PIK3C2A: variants seen among roughly 807,000 people sequenced by gnomAD.
PIK3C2A encodes phosphatidylinositol 4-phosphate 3-kinase C2 domain-containing subunit alpha.
Under a neutral mutation model 204.5 loss-of-function variants are expected in PIK3C2A, and 97 were observed. That is an observed-to-expected ratio of 0.47 (90% confidence interval 0.40 to 0.56). The LOEUF is 0.56. Among genes scored for constraint, PIK3C2A ranks in the 20% least tolerant of loss-of-function variants. The pLI, the probability that PIK3C2A is intolerant of heterozygous loss-of-function variation, is 0.00. For synonymous variants in PIK3C2A, 653 were observed against 664.4 expected, an observed-to-expected ratio of 0.98 and a Z score of 0.26; for missense variants, 1,735 against 1,969.2, an observed-to-expected ratio of 0.88 and a Z score of 2.25.
chr11:17,099,298 G>T (rs1848547922), intron 26 of PIK3C2A, among the ~76,000 whole-genome samples: 1 of 152,180 alleles, frequency 6.6e-6, no homozygotes, highest in Admixed American at 6.6e-5. Flanking sequence ...AGTGACCAGG[G>T]TTTGCTGGAT....
At chr11:17,165,604 C>T (rs1247152766) in intron 2 of PIK3C2A, among the ~76,000 whole-genome samples, 2 of 151,816 alleles carry the variant, frequency 1.3e-5, no homozygotes, top group East Asian at 1.9e-4. Context: ...GGAGAAACCG[C>T]GTCTCTACTA....
chr11:17,113,878 A>G (rs1849082366), intron 20 of PIK3C2A, among the ~76,000 whole-genome samples: 1 of 150,858 alleles, frequency 6.6e-6, no homozygotes, highest in Non-Finnish European at 1.5e-5. Context: ...TCAGGAGTTC[A>G]AGACCAGCCT....
At chr11:17,200,271 C>G (rs1565310496) in intron 1 of PIK3C2A, among the ~76,000 whole-genome samples, 1 of 151,900 alleles carries the variant, frequency 6.6e-6, no homozygotes, top group Non-Finnish European at 1.5e-5. Context: ...ATTCTAGAAC[C>G]TTGCAGGTTT....
At position 17,110,662 on chromosome 11, in the gene PIK3C2A, T is replaced by G. The variant is rs1283294546; in HGVS notation, c.3415-101A>C. The G allele has an allele frequency of 4.0e-6, 4 of 988,170 alleles. No individual in the cohort carries two copies. In the African/African-American group the frequency reaches 6.6e-5, roughly 16 times the overall value. The allele number at this position is 988,170 out of a possible 1,614,324, so 61.2% of individuals were successfully genotyped here. ...ATCCCAGCACTTTGGGAGGCCAAAG[T>G]GGGCAGAACACCTGAGGTCAGGAGT... On this transcript the variant is annotated intron_variant, in intron 21 of 32. Coordinates refer to ENST00000691414, the MANE Select transcript of PIK3C2A (RefSeq NM_002645.4).
Position 17,145,728 on chromosome 11 carries a change from G to A in PIK3C2A, c.1644C>T (p.His548=), listed in dbSNP as rs113876830. Reference sequence around the variant, plus strand: ...AAGAATCTAAGAGTTCTTCAACAGGGTGTCTGAAAGAAACAACAGTTATTG... The same window carrying A: ...AAGAATCTAAGAGTTCTTCAACAGGATGTCTGAAAGAAACAACAGTTATTG... ...EKPCKEAMTR[H]PVEELLDSYH... Residue 548 remains histidine (H), a synonymous_variant, in exon 8 of 33, where the codon CAC becomes CAT. Transcript: ENST00000691414. 6.2e-7 allele frequency: 1 copy of A among 1,604,060 alleles called. No individual in the cohort carries two copies. The highest frequency in any genetic ancestry group is 1.7e-4 in the Middle Eastern group (1 of 6,042).
intron 1 of PIK3C2A, among the ~76,000 whole-genome samples, chr11:17,187,872 A>T (rs1851807704): frequency 6.6e-6 from 1 of 152,020 alleles, no homozygotes; most frequent in Admixed American, 6.6e-5. Flanking sequence ...AAAGGAAGAG[A>T]CACCTTAGGG....
intron 1 of PIK3C2A, among the ~76,000 whole-genome samples, chr11:17,201,121 G>A (rs928254471): frequency 2.6e-5 from 4 of 151,968 alleles, no homozygotes; most frequent in Admixed American, 6.6e-5. Flanking sequence ...CAGGAAAATC[G>A]CTTGAACCTG....
intron 1 of PIK3C2A, among the ~76,000 whole-genome samples, chr11:17,170,289 A>G (rs1851115340): frequency 6.6e-6 from 1 of 152,268 alleles, no homozygotes. Flanking sequence ...TACCTAGTCA[A>G]TAAAACAGGA....
intron 19 of PIK3C2A, among the ~76,000 whole-genome samples, chr11:17,116,280 A>T (rs1243648441): frequency 1.3e-5 from 2 of 152,228 alleles, no homozygotes; most frequent in African/African-American, 4.8e-5. Context: ...GCCAATAAAC[A>T]TATGAGAATG....
chr11:17,151,855 C>G (rs918805261), intron 3 of PIK3C2A, among the ~76,000 whole-genome samples: 9 of 152,112 alleles, frequency 5.9e-5, no homozygotes, highest in Admixed American at 5.9e-4. Context: ...ATATAATACA[C>G]CTTTTCTTTA....
At chr11:17,148,822 C>T (rs1200382423) in intron 4 of PIK3C2A, 35 bp from the exon 5 acceptor site, 2 of 1,565,720 alleles carry the variant, frequency 1.3e-6, no homozygotes, top group Middle Eastern at 1.7e-4. Context: ...TCACTTTGCT[C>T]ATTTATATTT....
chr11:17,118,581 G>T, intron 18 of PIK3C2A, 64 bp downstream of exon 18: 1 of 759,798 alleles, frequency 1.3e-6, no homozygotes, highest in Non-Finnish European at 2.3e-6. Context: ...TAGACTTACA[G>T]GGTATGCCAT....
intron 22 of PIK3C2A, among the ~76,000 whole-genome samples, chr11:17,106,111 A>G (rs1248478222): frequency 6.7e-6 from 1 of 149,848 alleles, no homozygotes; most frequent in East Asian, 2.0e-4. Flanking sequence ...TCTATCTCAA[A>G]AAAAAAAAAA....
intron 1 of PIK3C2A, chr11:17,193,569 C>T (rs1339410769): frequency 3.6e-5 from 15 of 414,428 alleles, no homozygotes; most frequent in African/African-American, 8.4e-5. Flanking sequence ...GCGATCAAGC[C>T]AGGTGTGGTG....
At chr11:17,150,451 T>TC in intron 4 of PIK3C2A, 47 bp downstream of exon 4, 2 of 1,456,430 alleles carry the variant, frequency 1.4e-6, no homozygotes, top group Non-Finnish European at 1.8e-6. Flanking sequence ...TTTAAACATT[T>TC]CCCCCTAACA....
chr11:17,185,432 T>C (rs1851719896), intron 1 of PIK3C2A, among the ~76,000 whole-genome samples: 1 of 152,178 alleles, frequency 6.6e-6, no homozygotes. Context: ...TCTTAGAACA[T>C]ATCCCAGCCA....
At position 17,168,892 on chromosome 11, in the gene PIK3C2A, C is replaced by T; in HGVS notation, c.850G>A (p.Val284Met). 1.9e-6 allele frequency: 3 copies of T among 1,614,128 alleles called. No individual in the cohort carries two copies. Among genetic ancestry groups the T allele is most frequent in the East Asian group, 2.2e-5 (1 of 44,866 alleles). The change falls in exon 2 of 33, where the codon GTG (valine) becomes ATG (methionine). Residue 284 changes from valine (V) to methionine (M), a missense_variant. By Grantham distance (21) the Val-to-Met change is conservative. Coordinates refer to ENST00000691414, the MANE Select transcript of PIK3C2A (RefSeq NM_002645.4). ...DPLSKPKVDN[V>M]EVLDHEEEKN... ...TCTTCCTCATGGTCTAATACCTCCA[C>T]ATTATCCACCTTAGGCTTACTTAGA... is the stretch of plus-strand genomic sequence containing the variant.
chr11:17,203,530 G>A lies in PIK3C2A; in HGVS notation c.-66+4318C>T, dbSNP rs116803141. Among the ~76,000 whole-genome samples, 904 of 152,228 alleles carry A rather than the reference G, an allele frequency of 5.9e-3. 18 individuals are homozygous for A. The highest frequency in any genetic ancestry group is 0.021 in the African/African-American group (860 of 41,534). ...TACTTACAGCAATATTTGCAAGTAT[G>A]ACCATAATTCTCATCAAAAGAACAT... On this transcript the variant is annotated intron_variant, in intron 1 of 32. Transcript: ENST00000691414.
Position 17,169,609 on chromosome 11 carries a change from C to T in PIK3C2A, c.133G>A (p.Asp45Asn), listed in dbSNP as rs1307088696. ...CTCTGATTGTCAGTCACTTGTCTAT[C>T]CTTTTGCAGTTTTGCTAAAGCCTCT... ...EAEALAKLQK[D>N]RQVTDNQRGF... Residue 45 changes from aspartate to asparagine, a missense_variant, in exon 2 of 33, where the codon GAT (aspartate) becomes AAT (asparagine). This residue lies in a region of PIK3C2A where 536 missense variants were observed against 546.7 expected (regional missense o/e 0.98). Transcript: ENST00000691414. The T allele has an allele frequency of 6.2e-7, 1 of 1,614,076 alleles. No homozygotes were observed. The highest frequency in any genetic ancestry group is 2.2e-5 in the East Asian group (1 of 44,870).
Sources: allele counts gnomAD v4.1 joint callset (sites outside exome capture counted in the v4.1 genomes callset), GRCh38; gene constraint gnomAD v4.1.1; regional missense constraint gnomAD v4.1.1; transcripts MANE v1.5; gene names NCBI Gene and HGNC (gene_info 2026-07-23, HGNC 2026-07-21).